The following LARP1 variants were observed in gnomAD, a reference collection of about 807,000 sequenced individuals.
LARP1 encodes La ribonucleoprotein 1, translational regulator.
Under a neutral mutation model 122.7 loss-of-function variants are expected in LARP1, and 36 were observed. The observed-to-expected ratio is 0.29, with a 90% CI of 0.22 to 0.39. LARP1 has a LOEUF of 0.39. Among genes scored for constraint, LARP1 ranks in the 10% least tolerant of loss-of-function variants. The pLI, the probability that LARP1 is intolerant of heterozygous loss-of-function variation, is 1.00. For missense variants in LARP1, 1,040 were observed against 1,403.6 expected, an observed-to-expected ratio of 0.74 and a Z score of 4.14; for synonymous variants, 539 against 528.7, an observed-to-expected ratio of 1.02 and a Z score of -0.27.
At chr5:154,808,635 G>A (rs747272735) in intron 16 of LARP1, 32 bp downstream of exon 16, 38 of 1,599,528 alleles carry the variant, frequency 2.4e-5, no homozygotes, top group Non-Finnish European at 7.7e-6. Context: ...ACTTTGGCTG[G>A]TGCTTAGGGA....
Position 154,792,791 on chromosome 5 carries a change from A to C in LARP1, c.734A>C (p.Lys245Thr). The change falls in exon 4 of 19, where the codon AAG becomes ACG. Residue 245 changes from lysine (K) to threonine (T), a missense_variant. Physicochemically the swap from Lys to Thr is moderately conservative, Grantham distance 78 (BLOSUM62 -1). This residue lies in a region of LARP1 where 11 missense variants were observed against 33.1 expected (regional missense o/e 0.33). Transcript: ENST00000518297. Reference sequence around the variant, plus strand: ...GATTGCCAGCGAGGCGGGCAGAAGAAGAAAGGTGAGTGACTGGGAGCAGGA... The same window carrying C: ...GATTGCCAGCGAGGCGGGCAGAAGACGAAAGGTGAGTGACTGGGAGCAGGA... ...DEDCQRGGQK[K>T]KGNKHKWVPL... 1 of 1,613,902 alleles carries C rather than the reference A, an allele frequency of 6.2e-7. No homozygotes were observed. The highest frequency in any genetic ancestry group is 8.5e-7 in the Non-Finnish European group (1 of 1,179,912).
chr5:154,794,469 G>A (rs1342748127), intron 7 of LARP1, among the ~76,000 whole-genome samples: 1 of 152,194 alleles, frequency 6.6e-6, no homozygotes, highest in Non-Finnish European at 1.5e-5. Context: ...CCTTAAGAAA[G>A]TTAGAAACTA....
chr5:154,713,230 C>T (rs1425107063), intron 1 of LARP1: 2 of 973,110 alleles, frequency 2.1e-6, no homozygotes, highest in African/African-American at 1.6e-5. Flanking sequence ...CTGGTTCCAG[C>T]CCTGCTGTGT....
At chr5:154,714,567 A>G (rs1396270061) in intron 1 of LARP1, among the ~76,000 whole-genome samples, 1 of 152,154 alleles carries the variant, frequency 6.6e-6, no homozygotes, top group Non-Finnish European at 1.5e-5. Flanking sequence ...TCAAATATAT[A>G]CTGTAAGACC....
chr5:154,810,025 G>A (rs891238105), intron 16 of LARP1, among the ~76,000 whole-genome samples: 4 of 151,970 alleles, frequency 2.6e-5, no homozygotes, highest in Admixed American at 2.0e-4. Flanking sequence ...ATTTCTAATA[G>A]CTTATATTAC....
At chr5:154,791,134 GT>G (rs778607471) in intron 3 of LARP1, among the ~76,000 whole-genome samples, 11,343 of 116,160 alleles carry the variant, frequency 0.098, 437 homozygotes, top group Admixed American at 0.14. Context: ...GTTTTTTGTT[GT>G]TTTTTTTTTT....
chr5:154,793,521 A>T, intron 4 of LARP1, 74 bp from the exon 5 acceptor site: 1 of 1,592,056 alleles, frequency 6.3e-7, no homozygotes, highest in Non-Finnish European at 8.6e-7. Context: ...GGGCAGAAGA[A>T]GAGGAGTTGG....
intron 1 of LARP1, among the ~76,000 whole-genome samples, chr5:154,722,602 C>G (rs370052886): frequency 1.3e-5 from 2 of 151,966 alleles, no homozygotes; most frequent in African/African-American, 4.8e-5. Flanking sequence ...AGGATATAGC[C>G]AGGCAGTGGA....
At chr5:154,804,788 T>A (rs1420939040) in intron 14 of LARP1, 2 of 456,310 alleles carry the variant, frequency 4.4e-6, no homozygotes, top group East Asian at 6.9e-5. Context: ...ATGGCCCCAG[T>A]GTGTGTTTCC....
intron 1 of LARP1, among the ~76,000 whole-genome samples, chr5:154,741,547 G>T (rs1489504760): frequency 6.6e-6 from 1 of 152,190 alleles, no homozygotes; most frequent in African/African-American, 2.4e-5. Context: ...TTTAAGCTGA[G>T]GCTTGAAGGA....
chr5:154,736,015 G>A (rs1257243675), intron 1 of LARP1, among the ~76,000 whole-genome samples: 1 of 151,876 alleles, frequency 6.6e-6, no homozygotes, highest in African/African-American at 2.4e-5. Flanking sequence ...TAATTCTTGG[G>A]CTTAAGTGAT....
intron 8 of LARP1, among the ~76,000 whole-genome samples, chr5:154,797,680 CTTT>C: frequency 7.2e-6 from 1 of 138,154 alleles, no homozygotes; most frequent in African/African-American, 2.6e-5. Context: ...TGTCTACCGT[CTTT>C]TTTTTTTTTT....
At chr5:154,706,966 TC>T (rs1561536693) in intron 1 of LARP1, among the ~76,000 whole-genome samples, 1 of 152,238 alleles carries the variant, frequency 6.6e-6, no homozygotes, top group Non-Finnish European at 1.5e-5. Context: ...ACATTTATGG[TC>T]CCAAAATCAA....
intron 1 of LARP1, among the ~76,000 whole-genome samples, chr5:154,762,912 T>C (rs1482726068): frequency 6.6e-6 from 1 of 152,122 alleles, no homozygotes; most frequent in Non-Finnish European, 1.5e-5. Flanking sequence ...CTCTGTATGG[T>C]TTTTGCTCTG....
chr5:154,765,141 A>C (rs1381627941), intron 1 of LARP1, among the ~76,000 whole-genome samples: 1 of 151,968 alleles, frequency 6.6e-6, no homozygotes, highest in East Asian at 1.9e-4. Flanking sequence ...GTCTCTGTCC[A>C]CCTAACCTCT....
intron 8 of LARP1, among the ~76,000 whole-genome samples, chr5:154,796,478 C>A (rs765570300): frequency 3.2e-4 from 48 of 152,104 alleles, no homozygotes; most frequent in Middle Eastern, 3.4e-3. Context: ...CCACAGGGCA[C>A]AGGGATGTCA....
intron 1 of LARP1, among the ~76,000 whole-genome samples, chr5:154,775,855 C>A (rs1755838221): frequency 6.6e-6 from 1 of 152,218 alleles, no homozygotes; most frequent in East Asian, 1.9e-4. Context: ...TAACCTTCGG[C>A]TAACCACTTA....
At chr5:154,724,820 C>T (rs1756096971) in intron 1 of LARP1, among the ~76,000 whole-genome samples, 2 of 152,110 alleles carry the variant, frequency 1.3e-5, no homozygotes, top group South Asian at 4.1e-4. Flanking sequence ...GTGCACGCCA[C>T]CATACCCAGC....
chr5:154,805,161 G>A, intron 14 of LARP1: 1 of 332,424 alleles, frequency 3.0e-6, no homozygotes, highest in South Asian at 2.5e-5. Flanking sequence ...GGGAGAGGGA[G>A]GAGAGTGAGG....
Sources: gnomAD v4.1 joint callset for allele counts (sites outside exome capture counted in the v4.1 genomes callset) on GRCh38, gnomAD v4.1.1 for gene constraint, gnomAD v4.1.1 regional missense constraint, MANE v1.5 for transcripts, NCBI Gene and HGNC (gene_info 2026-07-23, HGNC 2026-07-21) for gene names.